The following TMPRSS11B variants were observed in gnomAD, a reference collection of about 807,000 sequenced individuals.
TMPRSS11B encodes the protein transmembrane serine protease 11B.
A neutral mutation model predicts 44.7 loss-of-function variants in TMPRSS11B; 53 were observed. The observed-to-expected ratio is 1.19, with a 90% CI of 0.95 to 1.49. TMPRSS11B has a LOEUF of 1.49. Ranked by LOEUF, TMPRSS11B falls within the 40% of genes most tolerant of loss-of-function variation. The pLI is 0.00. For missense variants in TMPRSS11B, 526 were observed against 494.8 expected (o/e 1.06, Z -0.60); for synonymous variants, 140 against 159.2 (o/e 0.88, Z 0.91).
intron 2 of TMPRSS11B, among the ~76,000 whole-genome samples, chr4:68,240,784 A>G (rs1719801675): frequency 6.6e-6 from 1 of 152,190 alleles, no homozygotes; most frequent in Admixed American, 6.5e-5. Flanking sequence ...AAACAAAGGA[A>G]AAGAAGCCAG....
rs1045049885 is a variant in TMPRSS11B at position 68,227,447 on chromosome 4, C to G, written c.*464G>C. On this transcript the variant is annotated 3_prime_UTR_variant, in exon 10 of 10. Transcript: ENST00000332644. Reference sequence around the variant, plus strand: ...TTTGAGACAGGGTCTCACTCTGTTGCCCAGGCTGGAGTGCAGTGGTGGCGC... The same window carrying G: ...TTTGAGACAGGGTCTCACTCTGTTGGCCAGGCTGGAGTGCAGTGGTGGCGC... 8.2e-6 allele frequency: 1 copy of G among 121,718 alleles called. No homozygotes were observed. Among genetic ancestry groups the G allele is most frequent in the African/African-American group, 3.1e-5 (1 of 32,736 alleles). 7.5% of individuals were successfully genotyped at this position (121,718 alleles called of 1,614,324 possible).
In TMPRSS11B at chr4:68,244,200, G is replaced by T. The variant is rs1719940112; in HGVS notation, c.8+1351C>A. 2.0e-5 allele frequency among the ~76,000 whole-genome samples: 3 copies of T among 152,186 alleles called. No individual in the cohort carries two copies. The South Asian group carries it at 6.2e-4, about 32-fold the overall frequency. ...ACACTTTTTTCTAAAGGTAGCATTT[G>T]CATTACAAGATGAATCCCTCACTTA... On this transcript the variant is annotated intron_variant, in intron 1 of 9. Coordinates refer to ENST00000332644, the MANE Select transcript of TMPRSS11B (RefSeq NM_182502.3).
At chr4:68,237,921 G>T (rs1317079214) in intron 2 of TMPRSS11B, among the ~76,000 whole-genome samples, 1 of 152,162 alleles carries the variant, frequency 6.6e-6, no homozygotes, top group Non-Finnish European at 1.5e-5. Flanking sequence ...GGAAGCTGAA[G>T]TGGGAGAATT....
Position 68,228,902 on chromosome 4 carries a change from T to C in TMPRSS11B, c.947-18A>G. On this transcript the variant is annotated intron_variant, in intron 8 of 9. Transcript: ENST00000332644. Reference sequence around the variant, plus strand: ...AAATGAACCTAAAAGCAATAAGTGCTGCATATTATGCAGATCTTAGACTTT... The same window carrying C: ...AAATGAACCTAAAAGCAATAAGTGCCGCATATTATGCAGATCTTAGACTTT... 1 of 1,607,344 alleles carries C rather than the reference T, an allele frequency of 6.2e-7. No individual in the cohort carries two copies. The highest frequency in any genetic ancestry group is 8.5e-7 in the Non-Finnish European group (1 of 1,177,434).
chr4:68,228,859 T>C lies in TMPRSS11B; in HGVS notation c.972A>G (p.Glu324=), dbSNP rs1246056990. 1 of 1,613,132 alleles carries C rather than the reference T, an allele frequency of 6.2e-7. No homozygotes were observed. Among genetic ancestry groups the C allele is most frequent in the East Asian group, 2.2e-5 (1 of 44,866 alleles). ...TGTTGTCAATAATCTTCAAAAAGTC[T>C]TCTTGAAGTATCACTGGAAATGAAC... ...MNGSFPVILQ[E]DFLKIIDNKI... is the part of the protein sequence containing the mutation. Residue 324 remains glutamate, a synonymous_variant, in exon 9 of 10, where the codon GAA becomes GAG. Coordinates refer to ENST00000332644, the MANE Select transcript of TMPRSS11B (RefSeq NM_182502.3).
intron 5 of TMPRSS11B, 146 bp downstream of exon 5, chr4:68,234,317 C>G (rs755593202): frequency 6.9e-6 from 5 of 727,974 alleles, no homozygotes; most frequent in Non-Finnish European, 1.1e-5. Flanking sequence ...CTTTCCACTA[C>G]CAAGTCATTG....
intron 5 of TMPRSS11B, among the ~76,000 whole-genome samples, chr4:68,233,792 C>T (rs1330988440): frequency 6.6e-6 from 1 of 152,048 alleles, no homozygotes; most frequent in Admixed American, 6.6e-5. Flanking sequence ...TTGTTCTTAA[C>T]TCCTGCAGTC....
Position 68,231,254 on chromosome 4 carries a change from G to T in TMPRSS11B, c.635C>A (p.Ala212Asp), listed in dbSNP as rs768982864. 3 of 1,613,312 alleles carry T rather than the reference G, an allele frequency of 1.9e-6. No individual in the cohort carries two copies. The highest frequency in any genetic ancestry group is 2.2e-5 in the South Asian group (2 of 91,000). Residue 212 changes from alanine (A) to aspartate (D), a missense_variant, in exon 7 of 10, where the codon GCC becomes GAC. Ala to Asp is a moderately radical substitution (Grantham distance 126). Transcript: ENST00000332644. The part of the protein sequence containing the change: ...MQWKGRHYCG[A>D]SLISSRWLLS... ...TAGCCACCTGCTGCTGATCAGAGAG[G>T]CTCCACAGTAGTGACGGCCTTTCCA...
At position 68,227,961 on chromosome 4, in the gene TMPRSS11B, T is replaced by C; in HGVS notation, c.1201A>G (p.Thr401Ala). 6.2e-7 allele frequency: 1 copy of C among 1,613,596 alleles called. No homozygotes were observed. Among genetic ancestry groups the C allele is most frequent in the Non-Finnish European group, 8.5e-7 (1 of 1,179,880 alleles). Residue 401 changes from threonine to alanine, a missense_variant, in exon 10 of 10, where the codon ACT becomes GCT. Physicochemically the swap from Thr to Ala is moderately conservative, Grantham distance 58. Transcript: ENST00000332644. ...CAATTGCGATAAGAAGTCACTCGAG[T>C]ATAGACACCTGGCTTATTCTTTTTA... is the stretch of plus-strand genomic sequence containing the variant. Reference protein sequence around the residue: ...CGKKNKPGVYTRVTSYRNWIT... With the variant: ...CGKKNKPGVYARVTSYRNWIT...
chr4:68,239,266 G>A (rs1004484232), intron 2 of TMPRSS11B, among the ~76,000 whole-genome samples: 7 of 144,060 alleles, frequency 4.9e-5, no homozygotes, highest in South Asian at 2.1e-4. Flanking sequence ...TCTCTCTCGC[G>A]CGCGCGCTCT....
intron 2 of TMPRSS11B, among the ~76,000 whole-genome samples, chr4:68,238,230 T>C (rs1719727736): frequency 6.6e-6 from 1 of 152,106 alleles, no homozygotes; most frequent in African/African-American, 2.4e-5. Context: ...TAAAAACTGA[T>C]TTCCTATATT....
intron 8 of TMPRSS11B, 43 bp downstream of exon 8, chr4:68,229,202 GATTGATTAAATA>G (rs1455228199): frequency 7.6e-7 from 1 of 1,323,422 alleles, no homozygotes; most frequent in Non-Finnish European, 1.0e-6. Context: ...TTGATTGATT[GATTGATTAAATA>G]GTTATTCCCA....
chr4:68,234,424 A>C (rs1024912347), intron 5 of TMPRSS11B, 39 bp downstream of exon 5: 1 of 1,572,868 alleles, frequency 6.4e-7, no homozygotes, highest in African/African-American at 1.4e-5. Context: ...ATCCAGAAAA[A>C]ACCTATGTAA....
chr4:68,245,360 T>A (rs895277906), intron 1 of TMPRSS11B, among the ~76,000 whole-genome samples, 191 bp downstream of exon 1: 4 of 152,202 alleles, frequency 2.6e-5, no homozygotes, highest in Non-Finnish European at 4.4e-5. Context: ...ATTATTTTTC[T>A]TTTTAACTTT....
At chr4:68,237,117 G>A (rs1719693046) in intron 2 of TMPRSS11B, among the ~76,000 whole-genome samples, 2 of 152,022 alleles carry the variant, frequency 1.3e-5, no homozygotes, top group Non-Finnish European at 1.5e-5. Flanking sequence ...CAACCCTGGT[G>A]TGTGATGTTC....
intron 1 of TMPRSS11B, among the ~76,000 whole-genome samples, chr4:68,242,362 T>TATTATATATAATATTA (rs1560445716): frequency 4.2e-5 from 1 of 23,918 alleles, no homozygotes; most frequent in Non-Finnish European, 8.3e-5. Flanking sequence ...TAATATTATA[T>TATTATATATAATATTA]TATATATAAT....
intron 6 of TMPRSS11B, chr4:68,232,165 A>G (rs1482293741): frequency 6.0e-6 from 2 of 330,596 alleles, no homozygotes; most frequent in Non-Finnish European, 1.1e-5. Context: ...ATCAATTTTC[A>G]TTTAACTTTT....
rs993541155 is a variant in TMPRSS11B, at chr4:68,236,150, C to T, written c.240+1G>A. 13 of 1,600,546 alleles carry T rather than the reference C, an allele frequency of 8.1e-6. No individual in the cohort carries two copies. The highest frequency in any genetic ancestry group is 1.1e-5 in the Non-Finnish European group (13 of 1,172,820). On this transcript the variant is annotated splice_donor_variant, in intron 3 of 9. Coordinates refer to ENST00000332644, the MANE Select transcript of TMPRSS11B (RefSeq NM_182502.3). LOFTEE classifies it high-confidence loss of function. Reference sequence around the variant, plus strand: ...ATTAATTTTAAAAATCTCTGATTTACCTTAGTCTCAATATCTTTGCTTAGA... The same window carrying T: ...ATTAATTTTAAAAATCTCTGATTTATCTTAGTCTCAATATCTTTGCTTAGA...
chr4:68,237,798 T>A (rs1476583540), intron 2 of TMPRSS11B, among the ~76,000 whole-genome samples: 3 of 152,180 alleles, frequency 2.0e-5, no homozygotes, highest in Non-Finnish European at 4.4e-5. Flanking sequence ...GGAGGACTGC[T>A]TGAGTCCAGG....
Sources: gnomAD v4.1 joint callset for allele counts (sites outside exome capture counted in the v4.1 genomes callset) on GRCh38, gnomAD v4.1.1 for gene constraint, MANE v1.5 for transcripts, NCBI Gene and HGNC (gene_info 2026-07-23, HGNC 2026-07-21) for gene names.